Variants in PIP4K2B observed in about 807,000 individuals in gnomAD.
The protein encoded by PIP4K2B is phosphatidylinositol-5-phosphate 4-kinase type 2 beta, also known as phosphatidylinositol 5-phosphate 4-kinase type-2 beta.
PIP4K2B carries 3 observed loss-of-function variants against 42.0 expected under a neutral mutation model. The ratio of observed to expected loss-of-function variants is 0.07; its 90% CI spans 0.03 to 0.18. PIP4K2B has a LOEUF of 0.18. Ranked by LOEUF, PIP4K2B falls within the 10% of genes least tolerant of loss-of-function variation. The pLI, the probability that PIP4K2B is intolerant of heterozygous loss-of-function variation, is 1.00. For synonymous variants in PIP4K2B, 204 were observed against 210.1 expected (o/e 0.97, Z 0.25); for missense variants, 332 against 562.3 (o/e 0.59, Z 4.14).
chr17:38,792,505 T>G (rs961486295), intron 1 of PIP4K2B, among the ~76,000 whole-genome samples: 10 of 152,202 alleles, frequency 6.6e-5, no homozygotes, highest in Admixed American at 6.5e-5. Context: ...AGATGAAAAT[T>G]CAGCAGCTAG....
At chr17:38,795,674 C>T (rs1910617969) in intron 1 of PIP4K2B, among the ~76,000 whole-genome samples, 1 of 150,892 alleles carries the variant, frequency 6.6e-6, no homozygotes, top group Non-Finnish European at 1.5e-5. Flanking sequence ...TCGCTTGAAC[C>T]AAGGAGGCGG....
chr17:38,796,282 T>C (rs977645610), intron 1 of PIP4K2B, among the ~76,000 whole-genome samples: 1 of 152,176 alleles, frequency 6.6e-6, no homozygotes, highest in Admixed American at 6.5e-5. Flanking sequence ...ACATGTAAAA[T>C]GGTACAGCCA....
intron 4 of PIP4K2B, 82 bp downstream of exon 4, chr17:38,780,370 C>A: frequency 7.8e-7 from 1 of 1,285,238 alleles, no homozygotes; most frequent in South Asian, 1.5e-5. Flanking sequence ...GAGGACCAAC[C>A]CCTCCCTAAG....
At chr17:38,794,710 GATATAAC>G (rs1351129186) in intron 1 of PIP4K2B, among the ~76,000 whole-genome samples, 2 of 148,282 alleles carry the variant, frequency 1.3e-5, no homozygotes, top group East Asian at 3.9e-4. Context: ...TGTCTTCTTA[GATATAAC>G]ACCAAAAGCA....
chr17:38,773,085 T>C (rs1178251421), intron 7 of PIP4K2B, among the ~76,000 whole-genome samples: 1 of 152,094 alleles, frequency 6.6e-6, no homozygotes, highest in Non-Finnish European at 1.5e-5. Context: ...CCCCTGCTGA[T>C]AAGGGGGGAC....
rs528577496 is a variant in PIP4K2B at position 38,799,097 on chromosome 17, G to C, written c.159+169C>G. 1.2e-4 allele frequency among the ~76,000 whole-genome samples: 18 copies of C among 152,126 alleles called. No homozygotes were observed. Among genetic ancestry groups the C allele is most frequent in the Admixed American group, 3.9e-4 (6 of 15,276 alleles). ...GACACCAGGCCTCGCGTGGCGTGCG[G>C]GGAGTGCACACGGGGCCGAAAGGCG... is the stretch of plus-strand genomic sequence containing the variant. On this transcript the variant is annotated intron_variant, in intron 1 of 9. Transcript: ENST00000619039. This position sits in a 1 kb window ranked among gnomAD's most constrained non-coding sequence, Gnocchi z 4.4.
chr17:38,799,483 A>G lies in PIP4K2B; in HGVS notation c.-59T>C. On this transcript the variant is annotated 5_prime_UTR_variant, in exon 1 of 10. Coordinates refer to ENST00000619039, the MANE Select transcript of PIP4K2B (RefSeq NM_003559.5). This position sits in a 1 kb window ranked among gnomAD's most constrained non-coding sequence, Gnocchi z 4.4. ...GGGCGGCGGAGACAGCGCACAAGCC[A>G]GCGGCCTCAGGCCTCCCCCGGACCG... 6.7e-7 allele frequency: 1 copy of G among 1,485,040 alleles called. No individual in the cohort carries two copies. Among genetic ancestry groups the G allele is most frequent in the South Asian group, 1.3e-5 (1 of 77,036 alleles). The allele number at this position is 1,485,040 out of a possible 1,614,324, so 92.0% of individuals were successfully genotyped here.
chr17:38,788,830 G>A (rs1290411930), intron 1 of PIP4K2B, among the ~76,000 whole-genome samples: 1 of 151,976 alleles, frequency 6.6e-6, no homozygotes, highest in Non-Finnish European at 1.5e-5. Context: ...GAAGCCACCT[G>A]TAATTCCAGC....
At position 38,786,694 on chromosome 17, in the gene PIP4K2B, G is replaced by C; in HGVS notation, c.257+129C>G. On this transcript the variant is annotated intron_variant, in intron 2 of 9. Transcript: ENST00000619039. ...TTCCTAGCCAGTTTGTCCGCTCTGAGATCCAGGTGCTGCTGTCACACCCTG... is the reference window on the plus strand; with the variant it reads ...TTCCTAGCCAGTTTGTCCGCTCTGACATCCAGGTGCTGCTGTCACACCCTG... The C allele has an allele frequency of 6.9e-6, 5 of 719,470 alleles. No individual in the cohort carries two copies. The South Asian group carries it at 7.9e-5, about 11-fold the overall frequency. 44.6% of individuals were successfully genotyped at this position (719,470 alleles called of 1,614,324 possible). A position where few individuals can be genotyped will look rare whatever the true frequency, so the allele number is the denominator to read the frequency against.
At chr17:38,790,272 G>C (rs1910273830) in intron 1 of PIP4K2B, among the ~76,000 whole-genome samples, 2 of 152,158 alleles carry the variant, frequency 1.3e-5, no homozygotes, top group Non-Finnish European at 2.9e-5. Flanking sequence ...TGCCTACAGA[G>C]GAAACCATTC....
intron 9 of PIP4K2B, among the ~76,000 whole-genome samples, 191 bp from the exon 10 acceptor site, chr17:38,769,962 CCT>C (rs150749978): frequency 1.0e-3 from 158 of 152,120 alleles, no homozygotes; most frequent in African/African-American, 3.6e-3. Flanking sequence ...TGGCCCCACT[CCT>C]GTGATTTATA....
intron 1 of PIP4K2B, among the ~76,000 whole-genome samples, chr17:38,795,633 C>T (rs775322348): frequency 2.6e-5 from 4 of 151,778 alleles, no homozygotes; most frequent in Non-Finnish European, 4.4e-5. Context: ...CACCTGTAAT[C>T]CGAGGTACTT....
Position 38,778,355 on chromosome 17 carries a change from T to C in PIP4K2B, c.672A>G (p.Arg224=). 6.2e-7 allele frequency: 1 copy of C among 1,614,130 alleles called. No individual in the cohort carries two copies. The highest frequency in any genetic ancestry group is 8.5e-7 in the Non-Finnish European group (1 of 1,180,002). ...ATACCTTCTCCTTGTCGCTCGCTTC[T>C]CTGGCAACCGTAGAACCCTGAAAGG... ...KYDLKGSTVA[R]EASDKEKAKD... is the part of the protein sequence containing the mutation. The change falls in exon 6 of 10, where the codon AGA becomes AGG. Residue 224 remains arginine (R), a synonymous_variant. Transcript: ENST00000619039.
At position 38,768,499 on chromosome 17, in the gene PIP4K2B, C is replaced by T. The variant is rs1467798399; in HGVS notation, c.*1192G>A. 1 of 152,664 alleles carries T rather than the reference C, an allele frequency of 6.6e-6. No homozygotes were observed. Among genetic ancestry groups the T allele is most frequent in the Non-Finnish European group, 1.5e-5 (1 of 68,066 alleles). The allele number at this position is 152,664 out of a possible 1,614,324, so 9.5% of individuals were successfully genotyped here. A position where few individuals can be genotyped will look rare whatever the true frequency, so the allele number is the denominator to read the frequency against. ...ACATCCTCATGTAACTAGGAAGCCA[C>T]CTCACGTTTGGACACCACACTCTAA... is the stretch of plus-strand genomic sequence containing the variant. On this transcript the variant is annotated 3_prime_UTR_variant, in exon 10 of 10. Coordinates refer to ENST00000619039, the MANE Select transcript of PIP4K2B (RefSeq NM_003559.5).
At chr17:38,790,280 T>C (rs796653135) in intron 1 of PIP4K2B, among the ~76,000 whole-genome samples, 8 of 152,294 alleles carry the variant, frequency 5.3e-5, no homozygotes, top group African/African-American at 1.9e-4. Flanking sequence ...GAGGAAACCA[T>C]TCCACTTCTT....
intron 4 of PIP4K2B, 92 bp from the exon 5 acceptor site, chr17:38,779,621 C>T (rs1313618104): frequency 2.6e-6 from 3 of 1,148,850 alleles, no homozygotes; most frequent in Middle Eastern, 2.0e-4. Flanking sequence ...TCCCTGGCTC[C>T]CTGGGATTCT....
At chr17:38,798,042 C>T (rs1174509539) in intron 1 of PIP4K2B, among the ~76,000 whole-genome samples, 1 of 152,178 alleles carries the variant, frequency 6.6e-6, no homozygotes, top group Non-Finnish European at 1.5e-5. Context: ...ATCTAAAACC[C>T]TAGCTCAGAT....
chr17:38,784,317 T>A lies in PIP4K2B; in HGVS notation c.280A>T (p.Lys94Ter). The A allele has an allele frequency of 6.2e-7, 1 of 1,613,356 alleles. No homozygotes were observed. The highest frequency in any genetic ancestry group is 8.5e-7 in the Non-Finnish European group (1 of 1,179,316). The change falls in exon 3 of 10, where the codon AAG becomes TAG. Residue 94 changes from lysine (K) to a stop codon, truncating the protein, a stop_gained. Coordinates refer to ENST00000619039, the MANE Select transcript of PIP4K2B (RefSeq NM_003559.5). LOFTEE classifies it high-confidence loss of function. ...FNKENLPSRF[K>*]FKEYCPMVFR... ...ACCATGGGGCAATACTCCTTAAACT[T>A]AAAGCGGCTGGGCAGGTTCTCCCTA...
intron 4 of PIP4K2B, among the ~76,000 whole-genome samples, chr17:38,780,187 T>C (rs1408979529): frequency 1.3e-5 from 2 of 152,162 alleles, no homozygotes; most frequent in East Asian, 3.8e-4. Flanking sequence ...GGGGCCTCTT[T>C]CAGAAGAAAC....
Sources: gnomAD v4.1 joint callset for allele counts (sites outside exome capture counted in the v4.1 genomes callset) on GRCh38, gnomAD v4.1.1 for gene constraint, Gnocchi (gnomAD v3.1) non-coding constraint, MANE v1.5 for transcripts, NCBI Gene and HGNC (gene_info 2026-07-23, HGNC 2026-07-21) for gene names.